IL5RA: variants seen among roughly 807,000 people sequenced by gnomAD.
The protein encoded by IL5RA is interleukin 5 receptor subunit alpha, also known as interleukin-5 receptor subunit alpha.
IL5RA carries 49 observed loss-of-function variants against 50.0 expected under a neutral mutation model. The observed-to-expected ratio is 0.98, with a 90% CI of 0.78 to 1.24. The LOEUF is 1.24. Among genes scored for constraint, IL5RA ranks in the 50% most tolerant of loss-of-function variants. The pLI is 0.00. For synonymous variants in IL5RA, 202 were observed against 174.0 expected (o/e 1.16, Z -1.26); for missense variants, 600 against 500.4 (o/e 1.20, Z -1.90).
intron 2 of IL5RA, among the ~76,000 whole-genome samples, chr3:3,108,016 G>C (rs1254702048): frequency 6.6e-6 from 1 of 152,010 alleles, no homozygotes; most frequent in East Asian, 1.9e-4. Context: ...ACCTTTTTGA[G>C]TCAACTGTGG....
chr3:3,100,922 G>T (rs1390922795), intron 5 of IL5RA, among the ~76,000 whole-genome samples: 1 of 151,418 alleles, frequency 6.6e-6, no homozygotes, highest in African/African-American at 2.4e-5. Context: ...CGAGGCGGGT[G>T]GATGGCTGGA....
At chr3:3,099,681 T>TATTA (rs1247382506) in intron 5 of IL5RA, among the ~76,000 whole-genome samples, 2 of 149,864 alleles carry the variant, frequency 1.3e-5, no homozygotes, top group African/African-American at 4.9e-5. Context: ...TTATTATTAT[T>TATTA]ATTATTTGGA....
intron 5 of IL5RA, 51 bp from the exon 6 acceptor site, chr3:3,098,341 A>G: frequency 2.0e-6 from 3 of 1,501,440 alleles, no homozygotes; most frequent in Non-Finnish European, 2.8e-6. Flanking sequence ...CAAACTCTGA[A>G]TTTCATGCTT....
intron 9 of IL5RA, among the ~76,000 whole-genome samples, chr3:3,089,206 C>T (rs889435608): frequency 3.9e-5 from 6 of 152,186 alleles, no homozygotes; most frequent in African/African-American, 1.4e-4. Context: ...GCTCATGCTG[C>T]TCCTGTAAGT....
intron 9 of IL5RA, among the ~76,000 whole-genome samples, chr3:3,080,474 A>T (rs957394252): frequency 6.6e-6 from 1 of 152,144 alleles, no homozygotes; most frequent in Non-Finnish European, 1.5e-5. Flanking sequence ...TATTTTAAGC[A>T]TTGCTTTTCA....
intron 8 of IL5RA, among the ~76,000 whole-genome samples, chr3:3,093,486 T>C (rs1703223901): frequency 6.6e-6 from 1 of 152,234 alleles, no homozygotes; most frequent in African/African-American, 2.4e-5. Context: ...TTCTAGCAGA[T>C]CATTTTTATT....
In IL5RA at chr3:3,095,365, A is replaced by G. The variant is rs1437947089; in HGVS notation, c.789T>C (p.Ser263=). 1 of 1,609,672 alleles carries G rather than the reference A, an allele frequency of 6.2e-7. No homozygotes were observed. The highest frequency in any genetic ancestry group is 1.7e-5 in the Admixed American group (1 of 60,016). Reference sequence around the variant, plus strand: ...AATCAAAGCAATGGATTGGAAAAGCAGACACTGGTTTCTCCCATTGGATAG... The same window carrying G: ...AATCAAAGCAATGGATTGGAAAAGCGGACACTGGTTTCTCCCATTGGATAG... ...RLSIQWEKPV[S]AFPIHCFDYE... Residue 263 remains serine (S), a synonymous_variant, in exon 8 of 12, where the codon TCT becomes TCC. Transcript: ENST00000446632.
chr3:3,092,087 A>G lies in IL5RA; in HGVS notation c.994+137T>C. ...CAAATCTATTCCTGATTGAAAAGGCAGTAGACCGAGAGAAAATTAGTCACA... is the reference window on the plus strand; with the variant it reads ...CAAATCTATTCCTGATTGAAAAGGCGGTAGACCGAGAGAAAATTAGTCACA... On this transcript the variant is annotated intron_variant, in intron 9 of 11. Transcript: ENST00000446632. The surrounding 1 kb of genome is among the most constrained non-coding windows in gnomAD (Gnocchi z 4.2). 1 of 1,440,488 alleles carries G rather than the reference A, an allele frequency of 6.9e-7. No individual in the cohort carries two copies. The highest frequency in any genetic ancestry group is 9.1e-7 in the Non-Finnish European group (1 of 1,102,522). The allele number at this position is 1,440,488 out of a possible 1,614,324, so 89.2% of individuals were successfully genotyped here. A position where few individuals can be genotyped will look rare whatever the true frequency, so the allele number is the denominator to read the frequency against.
At chr3:3,103,225 G>A (rs17886680) in intron 3 of IL5RA, among the ~76,000 whole-genome samples, 18,603 of 152,064 alleles carry the variant, frequency 0.12, 1,569 homozygotes, top group South Asian at 0.4. Flanking sequence ...TCTTTTTTAC[G>A]TTGCCCATGT....
In IL5RA at chr3:3,067,536, G is replaced by A. The variant is rs11716562; in HGVS notation, c.*2689C>T. 1,620 of 152,358 alleles carry A rather than the reference G, an allele frequency of 0.011. 15 individuals carry two copies. Among genetic ancestry groups the A allele is most frequent in the Non-Finnish European group, 0.016 (1,085 of 68,052 alleles). 9.4% of individuals were successfully genotyped at this position (152,358 alleles called of 1,614,324 possible). On this transcript the variant is annotated 3_prime_UTR_variant, in exon 12 of 12. Transcript: ENST00000446632. ...TGTTAATGGTATATTCTACAATGCA[G>A]TAGCTCTAACACGGGTATGAGGCCC...
Position 3,098,380 on chromosome 3 carries a change from G to A in IL5RA, c.368-90C>T, listed in dbSNP as rs541053845. ...TTGGAACTATAGTGATGTGAACGTC[G>A]TATTCATCACCAAAAAATAATCATC... is the stretch of plus-strand genomic sequence containing the variant. On this transcript the variant is annotated intron_variant, in intron 5 of 11. Coordinates refer to ENST00000446632, the MANE Select transcript of IL5RA (RefSeq NM_175726.4). 138 of 1,116,140 alleles carry A rather than the reference G, an allele frequency of 1.2e-4. 1 individual carries two copies. The highest frequency in any genetic ancestry group is 1.2e-3 in the South Asian group (85 of 70,896). The allele number at this position is 1,116,140 out of a possible 1,614,324, so 69.1% of individuals were successfully genotyped here.
Position 3,098,063 on chromosome 3 carries a change from T to C in IL5RA, c.522-6A>G, listed in dbSNP as rs1372767389. On this transcript the variant is annotated splice_region_variant and splice_polypyrimidine_tract_variant and intron_variant, in intron 6 of 11. Coordinates refer to ENST00000446632, the MANE Select transcript of IL5RA (RefSeq NM_175726.4). Reference sequence around the variant, plus strand: ...CTTCAGTCCAAGAGCCATACCTAAATTGGAACATTTACGAGTGTTATGAGG... The same window carrying C: ...CTTCAGTCCAAGAGCCATACCTAAACTGGAACATTTACGAGTGTTATGAGG... 2.5e-6 allele frequency: 4 copies of C among 1,614,022 alleles called. No homozygotes were observed. Among genetic ancestry groups the C allele is most frequent in the Non-Finnish European group, 3.4e-6 (4 of 1,180,026 alleles).
intron 4 of IL5RA, 93 bp downstream of exon 4, chr3:3,102,582 A>AT: frequency 3.4e-6 from 3 of 884,554 alleles, no homozygotes; most frequent in Non-Finnish European, 5.1e-6. Context: ...CAGTAATTTT[A>AT]TTTTTTTAAT....
chr3:3,066,850 A>G lies in IL5RA; in HGVS notation c.*3375T>C, dbSNP rs746908797. 5 of 152,278 alleles carry G rather than the reference A, an allele frequency of 3.3e-5. No individual in the cohort carries two copies. Among genetic ancestry groups the G allele is most frequent in the Admixed American group, 6.5e-5 (1 of 15,272 alleles). The allele number at this position is 152,278 out of a possible 1,614,324, so 9.4% of individuals were successfully genotyped here. ...CCTCCAGTCTCCCCAGCACTCCCCCATGCTGCACGCAGTGAATTCCAAATG... is the reference window on the plus strand; with the variant it reads ...CCTCCAGTCTCCCCAGCACTCCCCCGTGCTGCACGCAGTGAATTCCAAATG... On this transcript the variant is annotated 3_prime_UTR_variant, in exon 12 of 12. Transcript: ENST00000446632.
chr3:3,087,216 A>C (rs566367969), intron 9 of IL5RA, among the ~76,000 whole-genome samples: 2 of 152,322 alleles, frequency 1.3e-5, no homozygotes, highest in African/African-American at 4.8e-5. Flanking sequence ...AAGCTGCTGA[A>C]ATAAAACAAT....
intron 9 of IL5RA, among the ~76,000 whole-genome samples, chr3:3,088,112 T>C (rs1236748171): frequency 1.3e-5 from 2 of 152,114 alleles, no homozygotes; most frequent in Non-Finnish European, 2.9e-5. Context: ...AGATTCAAAC[T>C]AGGAAGGTGT....
Position 3,107,180 on chromosome 3 carries a change from G to A in IL5RA, c.-4+1370C>T, listed in dbSNP as rs376642668. Among the ~76,000 whole-genome samples, 4 of 151,672 alleles carry A rather than the reference G, an allele frequency of 2.6e-5. No homozygotes were observed. In the South Asian group the frequency reaches 8.3e-4, roughly 31 times the overall value. On this transcript the variant is annotated intron_variant, in intron 2 of 11. Coordinates refer to ENST00000446632, the MANE Select transcript of IL5RA (RefSeq NM_175726.4). ...GTCATATTTAAAAAGAGGTGCTTTT[G>A]AACAAAATCAGTTGTCCTATAGGCA...
intron 9 of IL5RA, among the ~76,000 whole-genome samples, chr3:3,086,387 C>T (rs1702863346): frequency 6.6e-6 from 1 of 152,032 alleles, no homozygotes; most frequent in Admixed American, 6.6e-5. Context: ...AAACAGGAGA[C>T]AGCAAAGATA....
Position 3,068,650 on chromosome 3 carries a change from C to G in IL5RA, c.*1575G>C, listed in dbSNP as rs190035781. ...ATTATGAATCATTTGAGTGACCAAA[C>G]ATTTTAAACATTTTGCCAACTATTG... is the stretch of plus-strand genomic sequence containing the variant. On this transcript the variant is annotated 3_prime_UTR_variant, in exon 12 of 12. Coordinates refer to ENST00000446632, the MANE Select transcript of IL5RA (RefSeq NM_175726.4). The G allele has an allele frequency of 6.9e-6, 1 of 144,222 alleles. No homozygotes were observed. Among genetic ancestry groups the G allele is most frequent in the African/African-American group, 2.7e-5 (1 of 37,400 alleles). The allele number at this position is 144,222 out of a possible 1,614,324, so 8.9% of individuals were successfully genotyped here.
Sources: allele counts gnomAD v4.1 joint callset (sites outside exome capture counted in the v4.1 genomes callset), GRCh38; gene constraint gnomAD v4.1.1; non-coding constraint Gnocchi (gnomAD v3.1); transcripts MANE v1.5; gene names NCBI Gene and HGNC (gene_info 2026-07-23, HGNC 2026-07-21).